The following XKR3 variants were observed in gnomAD, a reference collection of about 807,000 sequenced individuals.
XKR3 encodes XK-related protein 3.
In XKR3, 27 loss-of-function variants were observed where a neutral mutation model predicts 40.3. The observed-to-expected ratio is 0.67, with a 90% CI of 0.49 to 0.92. The LOEUF (loss-of-function observed/expected upper bound fraction) is 0.92, where lower values mean the gene tolerates loss of function less well. Ranked by LOEUF, XKR3 falls within the 40% of genes least tolerant of loss-of-function variation. The pLI, the probability that XKR3 is intolerant of heterozygous loss-of-function variation, is 0.00. For synonymous variants in XKR3, 193 were observed against 195.4 expected, an observed-to-expected ratio of 0.99 and a Z score of 0.10; for missense variants, 472 against 537.6, an observed-to-expected ratio of 0.88 and a Z score of 1.21.
chr22:16,805,918 A>G (rs2060187478), intron 2 of XKR3, among the ~76,000 whole-genome samples: 1 of 152,190 alleles, frequency 6.6e-6, no homozygotes, highest in Admixed American at 6.5e-5. Flanking sequence ...GTGGAGAAGG[A>G]TGTGCAGAAA....
intron 3 of XKR3, among the ~76,000 whole-genome samples, chr22:16,791,362 CAG>C (rs1432226232): frequency 6.6e-6 from 1 of 150,966 alleles, no homozygotes; most frequent in Non-Finnish European, 1.5e-5. Flanking sequence ...CAATGGTTAC[CAG>C]AGACTAGAGT....
chr22:16,790,378 G>A (rs2060110178), intron 3 of XKR3, among the ~76,000 whole-genome samples: 1 of 145,640 alleles, frequency 6.9e-6, no homozygotes. Flanking sequence ...TAGAATGAGA[G>A]CAAATATTTG....
chr22:16,818,591 C>T (rs2060243091), intron 1 of XKR3, among the ~76,000 whole-genome samples: 1 of 151,980 alleles, frequency 6.6e-6, no homozygotes, highest in South Asian at 2.1e-4. Context: ...ACGAACACCA[C>T]AGAAAAAAAA....
At chr22:16,813,960 T>C (rs2060223167) in intron 1 of XKR3, among the ~76,000 whole-genome samples, 1 of 152,208 alleles carries the variant, frequency 6.6e-6, no homozygotes, top group South Asian at 2.1e-4. Context: ...TATGCTTAGC[T>C]CTAGATATGA....
Position 16,800,085 on chromosome 22 carries a change from T to C in XKR3, c.336-61A>G, listed in dbSNP as rs2060162272. 2.1e-5 allele frequency: 32 copies of C among 1,560,780 alleles called. 1 individual carries two copies. The South Asian group carries it at 3.7e-4, about 18-fold the overall frequency. ...ATTGGTGACAGACATCTAGAAATAT[T>C]TGAAAGTTTATCAGGAGAGGAACTC... On this transcript the variant is annotated intron_variant, in intron 2 of 3. Transcript: ENST00000684488.
At chr22:16,785,003 A>G (rs2060083667) in intron 3 of XKR3, among the ~76,000 whole-genome samples, 1 of 152,200 alleles carries the variant, frequency 6.6e-6, no homozygotes, top group African/African-American at 2.4e-5. Flanking sequence ...AGCAGAAAAA[A>G]ATAAAAAGCT....
chr22:16,789,577 T>A (rs2060105092), intron 3 of XKR3, among the ~76,000 whole-genome samples: 1 of 152,268 alleles, frequency 6.6e-6, no homozygotes, highest in East Asian at 1.9e-4. Flanking sequence ...AAAAGTAATG[T>A]GGTTAAAATG....
chr22:16,784,050 T>G lies in XKR3; in HGVS notation c.949A>C (p.Ile317Leu). The G allele has an allele frequency of 6.2e-7, 1 of 1,614,258 alleles. No homozygotes were observed. Among genetic ancestry groups the G allele is most frequent in the Non-Finnish European group, 8.5e-7 (1 of 1,180,044 alleles). ...ACTGCTGACCAGCAGGAGAAGTTGA[T>G]GGCAGCATATAGCAGTGTGATCAAG... is the stretch of plus-strand genomic sequence containing the variant. ...LFLITLLYAAINFSCWSAVKL... is the reference protein window; with the variant it reads ...LFLITLLYAALNFSCWSAVKL... Residue 317 changes from isoleucine (I) to leucine (L), a missense_variant, in exon 4 of 4, where the codon ATC becomes CTC. Transcript: ENST00000684488.
intron 2 of XKR3, among the ~76,000 whole-genome samples, chr22:16,800,255 G>A (rs1164773131): frequency 1.3e-5 from 2 of 152,090 alleles, no homozygotes; most frequent in Non-Finnish European, 2.9e-5. Context: ...ACTGCAGTCT[G>A]ATAAACAAAA....
intron 1 of XKR3, among the ~76,000 whole-genome samples, chr22:16,822,944 C>T (rs932981957): frequency 2.0e-5 from 3 of 152,050 alleles, no homozygotes; most frequent in African/African-American, 4.8e-5. Context: ...AGTGCAGTGG[C>T]GTGACCTAGA....
At chr22:16,800,370 C>T (rs1448128981) in intron 2 of XKR3, among the ~76,000 whole-genome samples, 10 of 152,116 alleles carry the variant, frequency 6.6e-5, no homozygotes, top group African/African-American at 2.4e-4. Context: ...TTTTCTAATG[C>T]GTTAATATTC....
intron 3 of XKR3, 138 bp from the exon 4 acceptor site, chr22:16,784,547 G>A (rs978088112): frequency 2.3e-5 from 20 of 882,514 alleles, no homozygotes; most frequent in Middle Eastern, 3.5e-4. Flanking sequence ...AAAAAGAAAG[G>A]TTTGTTAATC....
At chr22:16,809,294 C>T (rs1204435671) in intron 1 of XKR3, among the ~76,000 whole-genome samples, 2 of 152,108 alleles carry the variant, frequency 1.3e-5, no homozygotes, top group Admixed American at 1.3e-4. Flanking sequence ...TAAAATATGT[C>T]CTCCTGGACC....
intron 3 of XKR3, among the ~76,000 whole-genome samples, chr22:16,790,360 C>A (rs1372929282): frequency 4.7e-5 from 6 of 128,216 alleles, no homozygotes; most frequent in Non-Finnish European, 6.4e-5. Context: ...AAAAAAAAAT[C>A]AGAGTGATAG....
At chr22:16,799,499 G>T (rs1356614157) in intron 3 of XKR3, among the ~76,000 whole-genome samples, 1 of 147,100 alleles carries the variant, frequency 6.8e-6, no homozygotes, top group Admixed American at 6.9e-5. Context: ...TTATTCCTCT[G>T]CTTCATCTCT....
chr22:16,817,791 T>G (rs1247136938), intron 1 of XKR3, among the ~76,000 whole-genome samples: 1 of 152,068 alleles, frequency 6.6e-6, no homozygotes, highest in Non-Finnish European at 1.5e-5. Flanking sequence ...TAATCTTTGG[T>G]TTTCATAATA....
intron 1 of XKR3, among the ~76,000 whole-genome samples, chr22:16,814,124 A>G (rs2060223772): frequency 6.6e-6 from 1 of 152,222 alleles, no homozygotes. Flanking sequence ...AAGGTCACAA[A>G]GATTAACGTC....
At chr22:16,791,781 GAGAGAGAGAGA>G (rs2060118568) in intron 3 of XKR3, among the ~76,000 whole-genome samples, 451 of 37,826 alleles carry the variant, frequency 0.012, 1 homozygote, top group Admixed American at 0.043. Context: ...GAGAGAGGGA[GAGAGAGAGAGA>G]GAGAGAGAGA....
intron 2 of XKR3, among the ~76,000 whole-genome samples, chr22:16,805,940 A>G (rs1296505870): frequency 1.3e-5 from 2 of 152,156 alleles, no homozygotes; most frequent in Non-Finnish European, 2.9e-5. Context: ...AAGAACCCCT[A>G]ATTATTGCTA....
Sources: gnomAD v4.1 joint callset for allele counts (sites outside exome capture counted in the v4.1 genomes callset) on GRCh38, gnomAD v4.1.1 for gene constraint, MANE v1.5 for transcripts, NCBI Gene and HGNC (gene_info 2026-07-23, HGNC 2026-07-21) for gene names.